Variants in INSL6 observed in about 807,000 individuals in gnomAD.
INSL6 encodes the protein insulin-like peptide INSL6.
INSL6 carries 16 observed loss-of-function variants against 9.4 expected under a neutral mutation model. The ratio of observed to expected loss-of-function variants is 1.70; its 90% confidence interval spans 1.15 to 2.59. The LOEUF is 2.59. INSL6 is among the 30% of genes most tolerant of loss of function. INSL6 has a pLI of 0.00. For synonymous variants in INSL6, 154 were observed against 96.9 expected (o/e 1.59, Z -3.46); for missense variants, 391 against 257.3 (o/e 1.52, Z -3.56).
At chr9:5,090,448 C>T in the INSL6 span, 8 of 1,542,336 alleles carry the variant, frequency 5.2e-6, no homozygotes, top group African/African-American at 2.8e-5. Flanking sequence ...GTTAAAAGGT[C>T]GGCGTAATCT....
intron 3 of INSL6, among the ~76,000 whole-genome samples, chr9:5,128,429 C>G (rs553915367): frequency 2.6e-5 from 4 of 151,668 alleles, no homozygotes; most frequent in African/African-American, 7.2e-5. Context: ...TTTGTATATG[C>G]AACACAGTAA....
chr9:5,029,541 A>C, the INSL6 span, among the ~76,000 whole-genome samples: 1 of 152,214 alleles, frequency 6.6e-6, no homozygotes, highest in African/African-American at 2.4e-5. Context: ...AAAGAAAAAA[A>C]CCCCACAATA....
chr9:5,174,214 C>T (rs1378363413), intron 1 of INSL6, among the ~76,000 whole-genome samples: 1 of 152,176 alleles, frequency 6.6e-6, no homozygotes, highest in African/African-American at 2.4e-5. Flanking sequence ...AAACACATTT[C>T]TCTTGGCCCC....
chr9:5,175,376 T>C (rs1825275431), intron 1 of INSL6, among the ~76,000 whole-genome samples: 1 of 152,234 alleles, frequency 6.6e-6, no homozygotes, highest in Non-Finnish European at 1.5e-5. Flanking sequence ...TCTCTGTTTC[T>C]ACTCTTGCCT....
chr9:5,042,683 G>T, the INSL6 span, among the ~76,000 whole-genome samples: 2 of 152,178 alleles, frequency 1.3e-5, no homozygotes, highest in African/African-American at 4.8e-5. Context: ...GGGAGGGCAG[G>T]CCTGGCCTGG....
At chr9:5,148,257 T>C (rs755341113) in intron 2 of INSL6, among the ~76,000 whole-genome samples, 4 of 152,222 alleles carry the variant, frequency 2.6e-5, no homozygotes, top group Non-Finnish European at 5.9e-5. Flanking sequence ...AGGGTCTTTG[T>C]TGAATTTTTG....
At chr9:5,153,073 A>G (rs1456645598) in intron 2 of INSL6, among the ~76,000 whole-genome samples, 2 of 151,516 alleles carry the variant, frequency 1.3e-5, no homozygotes, top group Non-Finnish European at 1.5e-5. Context: ...CAGTGCCTAC[A>G]CCACCAGGGC....
the INSL6 span, chr9:5,110,786 G>A: frequency 5.0e-6 from 2 of 402,668 alleles, no homozygotes; most frequent in Non-Finnish European, 9.6e-6. Context: ...GTAAGGGCCC[G>A]GGCCACGCGC....
the INSL6 span, chr9:5,101,141 G>C: frequency 6.6e-6 from 1 of 152,298 alleles, no homozygotes; most frequent in South Asian, 2.1e-4. Flanking sequence ...GGGAAGCCAT[G>C]ACAGACTGTA....
At chr9:5,170,323 T>C (rs1345369072) in intron 1 of INSL6, among the ~76,000 whole-genome samples, 1 of 151,834 alleles carries the variant, frequency 6.6e-6, no homozygotes, top group Non-Finnish European at 1.5e-5. Context: ...AGAAACAACG[T>C]ATCAGAATCT....
the INSL6 span, among the ~76,000 whole-genome samples, chr9:5,005,083 A>ATTTT: frequency 2.5e-5 from 1 of 40,034 alleles, no homozygotes; most frequent in Non-Finnish European, 4.5e-5. Flanking sequence ...TGCCTGGCTA[A>ATTTT]TTTTTTTTTT....
intron 1 of INSL6, among the ~76,000 whole-genome samples, chr9:5,176,275 G>A (rs1825306608): frequency 6.6e-6 from 1 of 152,002 alleles, no homozygotes; most frequent in African/African-American, 2.4e-5. Context: ...TCAATAATTG[G>A]TCTACCCTTA....
intron 1 of INSL6, among the ~76,000 whole-genome samples, 159 bp from the exon 2 acceptor site, chr9:5,164,424 A>G (rs1405755719): frequency 2.6e-5 from 4 of 152,250 alleles, no homozygotes; most frequent in Non-Finnish European, 5.9e-5. Context: ...ATATTTAACT[A>G]AAGTAGGTGT....
At chr9:5,037,116 C>G in the INSL6 span, among the ~76,000 whole-genome samples, 1 of 152,036 alleles carries the variant, frequency 6.6e-6, no homozygotes, top group African/African-American at 2.4e-5. Flanking sequence ...ATGCTCATCA[C>G]CACTGGCCAT....
chr9:5,029,969 TA>T, the INSL6 span: 10 of 1,440,600 alleles, frequency 6.9e-6, no homozygotes, highest in Non-Finnish European at 9.4e-6. Context: ...AATTATCAAA[TA>T]TTTTTTAATT....
intron 1 of INSL6, among the ~76,000 whole-genome samples, chr9:5,175,228 C>T (rs1321633546): frequency 2.0e-5 from 3 of 152,166 alleles, no homozygotes; most frequent in African/African-American, 4.8e-5. Flanking sequence ...GCATGAGCCA[C>T]CGCGTCTGGC....
At chr9:5,028,008 C>G in the INSL6 span, among the ~76,000 whole-genome samples, 1 of 152,196 alleles carries the variant, frequency 6.6e-6, no homozygotes, top group Non-Finnish European at 1.5e-5. Context: ...TTTTGACCTC[C>G]TCTCATGAAC....
At chr9:5,007,307 A>G in the INSL6 span, among the ~76,000 whole-genome samples, 1 of 152,158 alleles carries the variant, frequency 6.6e-6, no homozygotes, top group Non-Finnish European at 1.5e-5. Flanking sequence ...GATTCAAAGT[A>G]TTTTTAAAGT....
At chr9:5,086,451 A>G in the INSL6 span, among the ~76,000 whole-genome samples, 9 of 152,244 alleles carry the variant, frequency 5.9e-5, no homozygotes, top group African/African-American at 1.9e-4. Flanking sequence ...ATCATTCTCA[A>G]TCTTCTCTGA....
Sources: allele counts gnomAD v4.1 joint callset (sites outside exome capture counted in the v4.1 genomes callset), GRCh38; gene constraint gnomAD v4.1.1; transcripts MANE v1.5; gene names NCBI Gene and HGNC (gene_info 2026-07-23, HGNC 2026-07-21).